Variants in LRRK2 observed in about 807,000 individuals in gnomAD.
LRRK2 encodes leucine-rich repeat serine/threonine-protein kinase 2.
In LRRK2, 203 loss-of-function variants were observed where a neutral mutation model predicts 302.6. That is an observed-to-expected ratio of 0.67 (90% CI 0.60 to 0.75). The LOEUF is 0.75. Among genes scored for constraint, LRRK2 ranks in the 30% least tolerant of loss-of-function variants. The probability of loss-of-function intolerance (pLI) is 0.00; values close to 1 mark genes in which losing one functional copy is unlikely to be tolerated. For synonymous variants in LRRK2, 1,066 were observed against 1,031.9 expected (o/e 1.03, Z -0.63); for missense variants, 2,830 against 2,951.0 (o/e 0.96, Z 0.95).
chr12:40,367,242 C>A lies in LRRK2; in HGVS notation c.7462+165C>A, dbSNP rs951329449. 8.1e-6 allele frequency: 5 copies of A among 620,632 alleles called. No homozygotes were observed. In the African/African-American group the frequency reaches 9.3e-5, roughly 12 times the overall value. 38.4% of individuals were successfully genotyped at this position (620,632 alleles called of 1,614,324 possible). On this transcript the variant is annotated intron_variant, in intron 50 of 50. Coordinates refer to ENST00000298910, the MANE Select transcript of LRRK2 (RefSeq NM_198578.4). ...ACTTAGACATAAATTTTCAAAATTA[C>A]AAGTGATATGAAGTGTTAAATATTT... is the stretch of plus-strand genomic sequence containing the variant.
chr12:40,287,455 C>CTGTCTAAATTTGATGAATGGACCT lies in LRRK2; in HGVS notation c.2607_2630dup (p.Leu869_Thr876dup). ...CGATGGAAATTTTTCTGAAGATGTG[C>CTGTCTAAATTTGATGAATGGACCT]TGTCTAAATTTGATGAATGGACCTT... On this transcript the variant is annotated inframe_insertion, in exon 20 of 51. Transcript: ENST00000298910. 1.2e-6 allele frequency: 2 copies of CTGTCTAAATTTGATGAATGGACCT among 1,612,724 alleles called. No homozygotes were observed. Among genetic ancestry groups the CTGTCTAAATTTGATGAATGGACCT allele is most frequent in the Non-Finnish European group, 1.7e-6 (2 of 1,179,098 alleles).
At chr12:40,229,967 T>TC (rs1378217538) in intron 2 of LRRK2, among the ~76,000 whole-genome samples, 4 of 113,070 alleles carry the variant, frequency 3.5e-5, no homozygotes, top group Non-Finnish European at 7.6e-5. Context: ...TTTTTTTTTT[T>TC]TTTTTTTTTT....
chr12:40,278,105 T>C lies in LRRK2; in HGVS notation c.2085T>C (p.Cys695=). The C allele has an allele frequency of 3.7e-6, 6 of 1,614,086 alleles. No homozygotes were observed. The highest frequency in any genetic ancestry group is 5.1e-6 in the Non-Finnish European group (6 of 1,180,000). The change falls in exon 18 of 51, where the codon TGT becomes TGC. Residue 695 remains cysteine, a synonymous_variant. Transcript: ENST00000298910. ...ACTCTTTTTAGTTTCTAAACCTCTG[T>C]TGCAAGTGTTTTGCAAAAGTAGCTA... The part of the protein sequence containing the change: ...EQKDQQFLNL[C]CKCFAKVAMD...
At chr12:40,310,405 A>G (rs757892476) in intron 30 of LRRK2, 26 bp from the exon 31 acceptor site, 1 of 1,610,270 alleles carries the variant, frequency 6.2e-7, no homozygotes, top group East Asian at 2.2e-5. Flanking sequence ...AGCAAACACA[A>G]GAGGGTTTTG....
intron 28 of LRRK2, among the ~76,000 whole-genome samples, chr12:40,308,250 T>G (rs746601447): frequency 2.6e-5 from 4 of 152,286 alleles, no homozygotes; most frequent in South Asian, 4.1e-4. Context: ...CATGTTTTCT[T>G]TGGTGATTTT....
At chr12:40,355,909 A>G (rs1946522227) in intron 45 of LRRK2, among the ~76,000 whole-genome samples, 1 of 152,162 alleles carries the variant, frequency 6.6e-6, no homozygotes, top group Admixed American at 6.6e-5. Flanking sequence ...TTCTTGGGGT[A>G]TAAAACTGGG....
chr12:40,267,160 A>C (rs981392290), intron 14 of LRRK2, among the ~76,000 whole-genome samples: 1 of 152,176 alleles, frequency 6.6e-6, no homozygotes, highest in Non-Finnish European at 1.5e-5. Context: ...TGCTCCATAC[A>C]GGGGCAATTC....
rs781399572 is a variant in LRRK2, at chr12:40,294,911, C to G, written c.2875C>G (p.Leu959Val). The G allele has an allele frequency of 3.3e-6, 5 of 1,518,822 alleles. No individual in the cohort carries two copies. The highest frequency in any genetic ancestry group is 1.7e-5 in the Admixed American group (1 of 59,542). 94.1% of individuals were successfully genotyped at this position (1,518,822 alleles called of 1,614,324 possible). The change falls in exon 22 of 51, where the codon CTC (leucine) becomes GTC (valine). Residue 959 changes from leucine (L) to valine (V), a missense_variant. By Grantham distance (32) the Leu-to-Val change is conservative. This residue lies in a region of LRRK2 where 2,121 missense variants were observed against 2,148.0 expected (regional missense o/e 0.99). Coordinates refer to ENST00000298910, the MANE Select transcript of LRRK2 (RefSeq NM_198578.4). ...KRKILSSDDS[L>V]RSSKLQSHMR... ...AAAAATATTATCTTCAGATGATTCA[C>G]TCAGTAAGTATTTGGATGTAATCAT... is the stretch of plus-strand genomic sequence containing the variant.
At chr12:40,301,252 T>C in intron 25 of LRRK2, among the ~76,000 whole-genome samples, 1 of 151,992 alleles carries the variant, frequency 6.6e-6, no homozygotes, top group Non-Finnish European at 1.5e-5. Context: ...GGTGAAACCC[T>C]GTCTCTACTA....
In LRRK2 at chr12:40,310,543, G is replaced by T. The variant is rs780334763; in HGVS notation, c.4430G>T (p.Arg1477Leu). 3.7e-6 allele frequency: 6 copies of T among 1,611,816 alleles called. No individual in the cohort carries two copies. The highest frequency in any genetic ancestry group is 2.2e-5 in the East Asian group (1 of 44,846). ...ATCACCAAGGAACTCCTGAATAAGC[G>T]AGGGTTCCCTGCCATACGAGATTAC... ...SKITKELLNK[R>L]GFPAIRDYHF... Residue 1477 changes from arginine to leucine, a missense_variant, in exon 31 of 51, where the codon CGA (arginine) becomes CTA (leucine). By Grantham distance (102) the Arg-to-Leu change is moderately radical. Transcript: ENST00000298910.
chr12:40,335,077 T>C lies in LRRK2; in HGVS notation c.5868T>C (p.Asp1956=). ...VMELASKGSL[D]RLLQQDKASL... The stretch of plus-strand genomic sequence containing the variant: ...AGTTAGCCTCCAAGGGTTCCTTGGA[T>C]CGCCTGCTTCAGCAGGACAAAGCCA... The change falls in exon 40 of 51, where the codon GAT becomes GAC. Residue 1956 remains aspartate (D), a synonymous_variant. Coordinates refer to ENST00000298910, the MANE Select transcript of LRRK2 (RefSeq NM_198578.4). The C allele has an allele frequency of 6.2e-7, 1 of 1,614,072 alleles. No homozygotes were observed. The highest frequency in any genetic ancestry group is 8.5e-7 in the Non-Finnish European group (1 of 1,179,980).
Position 40,283,955 on chromosome 12 carries a change from G to C in LRRK2, c.2322G>C (p.Ala774=). The C allele has an allele frequency of 6.2e-7, 1 of 1,613,882 alleles. No individual in the cohort carries two copies. The highest frequency in any genetic ancestry group is 2.2e-5 in the East Asian group (1 of 44,866). The stretch of plus-strand genomic sequence containing the variant: ...CTCGTGAACAAGATGTACGAAAAGC[G>C]TTGACGATAAGCATTGGGAAAGGTG... ...SGSREQDVRK[A]LTISIGKGDS... is the part of the protein sequence containing the mutation. Residue 774 remains alanine, a synonymous_variant, in exon 19 of 51, where the codon GCG becomes GCC. Transcript: ENST00000298910.
intron 7 of LRRK2, among the ~76,000 whole-genome samples, chr12:40,244,279 T>A (rs1483636976): frequency 6.6e-6 from 1 of 152,194 alleles, no homozygotes; most frequent in Non-Finnish European, 1.5e-5. Flanking sequence ...AATGTAATCA[T>A]ACTGTATGTT....
At chr12:40,242,986 A>G (rs1187826087) in intron 6 of LRRK2, among the ~76,000 whole-genome samples, 1 of 150,948 alleles carries the variant, frequency 6.6e-6, no homozygotes, top group Non-Finnish European at 1.5e-5. Flanking sequence ...AATATTCACC[A>G]CATCTATTAA....
At chr12:40,252,486 A>G (rs1395316698) in intron 10 of LRRK2, among the ~76,000 whole-genome samples, 1 of 152,158 alleles carries the variant, frequency 6.6e-6, no homozygotes, top group Non-Finnish European at 1.5e-5. Flanking sequence ...TAGGATACCT[A>G]TTTTTCAATA....
In LRRK2 at chr12:40,328,306, G is replaced by T. The variant is rs1039962757; in HGVS notation, c.5657-54G>T. On this transcript the variant is annotated intron_variant, in intron 38 of 50. Coordinates refer to ENST00000298910, the MANE Select transcript of LRRK2 (RefSeq NM_198578.4). Reference sequence around the variant, plus strand: ...AATTACAACAGATATAATTTATTTAGTTTTTTTCGCTTGGACAGCTTAATT... The same window carrying T: ...AATTACAACAGATATAATTTATTTATTTTTTTTCGCTTGGACAGCTTAATT... The T allele has an allele frequency of 2.5e-5, 35 of 1,393,638 alleles. No homozygotes were observed. The East Asian group carries it at 7.3e-4, about 29-fold the overall frequency. 86.3% of individuals were successfully genotyped at this position (1,393,638 alleles called of 1,614,324 possible). A position where few individuals can be genotyped will look rare whatever the true frequency, so the allele number is the denominator to read the frequency against.
intron 39 of LRRK2, among the ~76,000 whole-genome samples, chr12:40,333,741 C>T (rs932118659): frequency 2.6e-5 from 4 of 151,850 alleles, no homozygotes; most frequent in East Asian, 2.0e-4. Flanking sequence ...TGGCCCATGG[C>T]GGGCCTCTCT....
intron 46 of LRRK2, among the ~76,000 whole-genome samples, chr12:40,357,816 A>G (rs1431315726): frequency 6.6e-6 from 1 of 152,184 alleles, no homozygotes; most frequent in Non-Finnish European, 1.5e-5. Context: ...TTTCTTACCC[A>G]GGCTGGCTCA....
At chr12:40,238,760 A>C (rs879343967) in intron 5 of LRRK2, among the ~76,000 whole-genome samples, 1 of 152,154 alleles carries the variant, frequency 6.6e-6, no homozygotes, top group Non-Finnish European at 1.5e-5. Flanking sequence ...TTTAGATAAG[A>C]ATGATTTATG....
Sources: gnomAD v4.1 joint callset for allele counts (sites outside exome capture counted in the v4.1 genomes callset) on GRCh38, gnomAD v4.1.1 for gene constraint, gnomAD v4.1.1 regional missense constraint, MANE v1.5 for transcripts, NCBI Gene and HGNC (gene_info 2026-07-23, HGNC 2026-07-21) for gene names.